TMEM266: variants seen among roughly 807,000 people sequenced by gnomAD.
TMEM266 encodes the protein Hv1 related protein 1.
In TMEM266, 33 loss-of-function variants were observed where a neutral mutation model predicts 50.5. The ratio of observed to expected loss-of-function variants is 0.65; its 90% CI spans 0.50 to 0.87. The LOEUF (loss-of-function observed/expected upper bound fraction) is 0.87. Ranked by LOEUF, TMEM266 falls within the 40% of genes least tolerant of loss-of-function variation. TMEM266 has a pLI of 0.00. For synonymous variants in TMEM266, 310 were observed against 292.3 expected (o/e 1.06, Z -0.62); for missense variants, 655 against 695.1 (o/e 0.94, Z 0.65).
intron 3 of TMEM266, among the ~76,000 whole-genome samples, chr15:76,143,948 C>T (rs771657994): frequency 2.0e-5 from 3 of 152,154 alleles, no homozygotes; most frequent in Admixed American, 2.0e-4. Flanking sequence ...GGATCCCAAA[C>T]GTATCTCAGA....
chr15:76,072,639 T>C (rs1170514252), intron 1 of TMEM266, among the ~76,000 whole-genome samples: 1 of 151,950 alleles, frequency 6.6e-6, no homozygotes, highest in African/African-American at 2.4e-5. Context: ...TCTACTTTTT[T>C]TTTCTTTCTT....
At chr15:76,064,395 A>G (rs2036371710) in intron 1 of TMEM266, among the ~76,000 whole-genome samples, 1 of 151,890 alleles carries the variant, frequency 6.6e-6, no homozygotes, top group Admixed American at 6.6e-5. Context: ...CTCCACATAT[A>G]TCTTTCATTC....
chr15:76,147,785 CT>C (rs1383700062), intron 3 of TMEM266, among the ~76,000 whole-genome samples: 1 of 152,202 alleles, frequency 6.6e-6, no homozygotes, highest in East Asian at 1.9e-4. Context: ...AATCCCAACA[CT>C]TTGGGAGGCC....
At chr15:76,140,811 G>C (rs920967988) in intron 3 of TMEM266, among the ~76,000 whole-genome samples, 3 of 150,810 alleles carry the variant, frequency 2.0e-5, no homozygotes, top group Non-Finnish European at 4.4e-5. Flanking sequence ...GAGGTGAGAG[G>C]ATCACTTGAG....
intron 3 of TMEM266, among the ~76,000 whole-genome samples, chr15:76,152,850 T>G (rs972829463): frequency 6.6e-6 from 1 of 152,046 alleles, no homozygotes; most frequent in Non-Finnish European, 1.5e-5. Flanking sequence ...CCCACTAGAG[T>G]GTAACCTGCC....
chr15:76,085,011 G>A (rs2036754344), intron 1 of TMEM266, among the ~76,000 whole-genome samples: 1 of 150,140 alleles, frequency 6.7e-6, no homozygotes, highest in Non-Finnish European at 1.5e-5. Context: ...CCAGGCTAGA[G>A]TGCAGTGGCG....
At chr15:76,082,166 T>G (rs559855114) in intron 1 of TMEM266, among the ~76,000 whole-genome samples, 1 of 152,350 alleles carries the variant, frequency 6.6e-6, no homozygotes, top group Admixed American at 6.5e-5. Context: ...TAGTCTCTTT[T>G]TCCTTTAGGT....
chr15:76,089,004 G>A (rs1291546769), intron 1 of TMEM266, among the ~76,000 whole-genome samples: 1 of 134,438 alleles, frequency 7.4e-6, no homozygotes, highest in Non-Finnish European at 1.5e-5. Flanking sequence ...TGAGGCATGA[G>A]AATCGCTTGA....
rs922550970 is a variant in TMEM266 at position 76,161,719 on chromosome 15, G to T, written c.456+1551G>T. On this transcript the variant is annotated intron_variant, in intron 5 of 10. Coordinates refer to ENST00000388942, the MANE Select transcript of TMEM266 (RefSeq NM_152335.3). This position sits in a 1 kb window ranked among gnomAD's most constrained non-coding sequence, Gnocchi z 4.1. ...TCCTAACCACCTCCCTGAGACCATT[G>T]CCCTGGAGGTGCCTCTGCCCCGCAG... is the stretch of plus-strand genomic sequence containing the variant. 1.1e-4 allele frequency among the ~76,000 whole-genome samples: 16 copies of T among 152,140 alleles called. No homozygotes were observed. Among genetic ancestry groups the T allele is most frequent in the Non-Finnish European group, 1.9e-4 (13 of 68,014 alleles).
intron 5 of TMEM266, among the ~76,000 whole-genome samples, chr15:76,163,994 C>G (rs1490760581): frequency 2.6e-5 from 4 of 152,198 alleles, no homozygotes; most frequent in Non-Finnish European, 5.9e-5. Context: ...TTCCAAAGCA[C>G]TTTCATCACC....
At chr15:76,172,920 G>C (rs537299764) in intron 7 of TMEM266, among the ~76,000 whole-genome samples, 293 of 151,834 alleles carry the variant, frequency 1.9e-3, no homozygotes, top group African/African-American at 6.8e-3. Context: ...GTGAACAGCC[G>C]CACACCCTCA....
At chr15:76,192,801 T>A (rs1289873939) in intron 9 of TMEM266, among the ~76,000 whole-genome samples, 1 of 152,206 alleles carries the variant, frequency 6.6e-6, no homozygotes. Context: ...TCTTGGGGCC[T>A]TAGTTTTGCC....
At chr15:76,163,961 G>A (rs542079140) in intron 5 of TMEM266, among the ~76,000 whole-genome samples, 150 of 152,270 alleles carry the variant, frequency 9.9e-4, no homozygotes, top group Non-Finnish European at 1.3e-3. Context: ...ACACGGTGAT[G>A]TGCAGCCGTC....
chr15:76,173,916 G>A (rs1247710220), intron 7 of TMEM266, among the ~76,000 whole-genome samples: 10 of 151,238 alleles, frequency 6.6e-5, no homozygotes, highest in African/African-American at 2.4e-4. Context: ...CTGGGTGACA[G>A]GGTGAGACTC....
At chr15:76,171,261 G>T in intron 7 of TMEM266, 130 bp downstream of exon 7, 1 of 1,307,824 alleles carries the variant, frequency 7.6e-7, no homozygotes, top group Non-Finnish European at 1.0e-6. Context: ...TGTCGGCAGG[G>T]AGAGGGGCCA....
chr15:76,092,518 C>T (rs1054829266), intron 1 of TMEM266, among the ~76,000 whole-genome samples: 45 of 151,852 alleles, frequency 3.0e-4, no homozygotes, highest in African/African-American at 7.0e-4. Context: ...GGCGAAACCC[C>T]GTATCTACTA....
chr15:76,075,823 T>C, intron 1 of TMEM266, among the ~76,000 whole-genome samples: 1 of 133,736 alleles, frequency 7.5e-6, no homozygotes, highest in African/African-American at 2.8e-5. Context: ...TGGAGGAGAA[T>C]GAAGAGAAGG....
chr15:76,098,848 A>G lies in TMEM266; in HGVS notation c.-96-35320A>G, dbSNP rs114701224. ...GCTGCAGTGGACTCTGCCCAGTTCA[A>G]ACTTCCCAGCAGCTTTGTTTACACT... On this transcript the variant is annotated intron_variant, in intron 1 of 10. Transcript: ENST00000388942. 9.9e-3 allele frequency among the ~76,000 whole-genome samples: 1,512 copies of G among 152,238 alleles called. 17 individuals are homozygous for G. The highest frequency in any genetic ancestry group is 0.034 in the African/African-American group (1,423 of 41,540).
chr15:76,137,618 C>A, intron 2 of TMEM266, 89 bp from the exon 3 acceptor site: 1 of 1,316,484 alleles, frequency 7.6e-7, no homozygotes, highest in Non-Finnish European at 1.1e-6. Context: ...ACTGGCATAG[C>A]AGCATTCTCC....
Sources: gnomAD v4.1 joint callset for allele counts (sites outside exome capture counted in the v4.1 genomes callset) on GRCh38, gnomAD v4.1.1 for gene constraint, Gnocchi (gnomAD v3.1) non-coding constraint, MANE v1.5 for transcripts, NCBI Gene and HGNC (gene_info 2026-07-23, HGNC 2026-07-21) for gene names.